The following RANBP17 variants were observed in gnomAD, a reference collection of about 807,000 sequenced individuals.
RANBP17 encodes the protein RAN binding protein 17.
A neutral mutation model predicts 141.2 loss-of-function variants in RANBP17; 158 were observed. That is an observed-to-expected ratio of 1.12 (90% CI 0.98 to 1.28). The LOEUF (loss-of-function observed/expected upper bound fraction) is 1.28, where lower values mean the gene tolerates loss of function less well. RANBP17 is among the 50% of genes most tolerant of loss of function. The pLI, the probability that RANBP17 is intolerant of heterozygous loss-of-function variation, is 0.00. For synonymous variants in RANBP17, 430 were observed against 450.0 expected, an observed-to-expected ratio of 0.96 and a Z score of 0.56; for missense variants, 1,438 against 1,290.7, an observed-to-expected ratio of 1.11 and a Z score of -1.75.
intron 14 of RANBP17, among the ~76,000 whole-genome samples, chr5:170,981,181 A>T (rs574133191): frequency 6.6e-6 from 1 of 152,240 alleles, no homozygotes; most frequent in South Asian, 2.1e-4. Flanking sequence ...TGTGTAGGAA[A>T]TAACTAACTT....
At chr5:171,287,413 C>G (rs1768231225) in intron 25 of RANBP17, among the ~76,000 whole-genome samples, 1 of 151,966 alleles carries the variant, frequency 6.6e-6, no homozygotes, top group African/African-American at 2.4e-5. Context: ...TTGCTTGAAC[C>G]CCGGAGGCGG....
chr5:170,937,804 A>G (rs1774001509), intron 12 of RANBP17, among the ~76,000 whole-genome samples: 1 of 152,052 alleles, frequency 6.6e-6, no homozygotes, highest in African/African-American at 2.4e-5. Context: ...GTTATTTTAT[A>G]ATTTGGATTG....
chr5:170,875,355 G>A (rs1768092216), intron 1 of RANBP17, among the ~76,000 whole-genome samples: 1 of 152,146 alleles, frequency 6.6e-6, no homozygotes, highest in African/African-American at 2.4e-5. Flanking sequence ...GAATTTGAAT[G>A]TTGGCCTGTC....
At chr5:170,937,730 G>A (rs1053432069) in intron 12 of RANBP17, among the ~76,000 whole-genome samples, 1 of 152,098 alleles carries the variant, frequency 6.6e-6, no homozygotes, top group African/African-American at 2.4e-5. Flanking sequence ...TTTGACTGAT[G>A]ACACATGACA....
intron 10 of RANBP17, among the ~76,000 whole-genome samples, chr5:170,919,150 GGA>G (rs1772224650): frequency 6.6e-6 from 1 of 151,742 alleles, no homozygotes; most frequent in Non-Finnish European, 1.5e-5. Context: ...TAATTTTAAG[GGA>G]GAGATTATAA....
At chr5:170,955,586 A>ATATATATATATATATATGCTCAGTCTGTG (rs1775592208) in intron 13 of RANBP17, among the ~76,000 whole-genome samples, 2 of 44,870 alleles carry the variant, frequency 4.5e-5, no homozygotes, top group South Asian at 9.3e-4. Context: ...CTGTGTGTAT[A>ATATATATATATATATATGCTCAGTCTGTG]TATATATATA....
At chr5:171,061,539 A>G (rs1177333201) in intron 14 of RANBP17, among the ~76,000 whole-genome samples, 5 of 151,386 alleles carry the variant, frequency 3.3e-5, no homozygotes, top group African/African-American at 1.2e-4. Flanking sequence ...GTTTGTTATA[A>G]TTTCTGATCT....
intron 14 of RANBP17, chr5:170,982,982 G>T: frequency 2.7e-6 from 1 of 374,526 alleles, no homozygotes; most frequent in Non-Finnish European, 5.1e-6. Flanking sequence ...TGTATATCCA[G>T]TAAAACTTAA....
chr5:171,012,055 T>A (rs9313535), intron 14 of RANBP17, among the ~76,000 whole-genome samples: 92,008 of 150,364 alleles, frequency 0.61, 29,339 homozygotes, highest in South Asian at 0.87. Context: ...CAAATTATAT[T>A]ATTTGTTTAA....
intron 3 of RANBP17, among the ~76,000 whole-genome samples, chr5:170,884,176 G>A (rs576460853): frequency 6.6e-6 from 1 of 152,230 alleles, no homozygotes; most frequent in East Asian, 1.9e-4. Flanking sequence ...GTTTTAATTT[G>A]TATTTCCCTG....
intron 14 of RANBP17, among the ~76,000 whole-genome samples, chr5:171,163,166 A>T (rs1481004860): frequency 6.6e-6 from 1 of 152,222 alleles, no homozygotes. Context: ...AATTCTGGCA[A>T]AAGATTTTTC....
In RANBP17 at chr5:171,241,107, A is replaced by C. The variant is rs758694370; in HGVS notation, c.2602A>C (p.Lys868Gln). 3 of 1,613,678 alleles carry C rather than the reference A, an allele frequency of 1.9e-6. No homozygotes were observed. The East Asian group carries it at 6.7e-5, about 36-fold the overall frequency. Residue 868 changes from lysine to glutamine, a missense_variant, in exon 23 of 28, where the codon AAA (lysine) becomes CAA (glutamine). Lys to Gln is a moderately conservative substitution (Grantham distance 53). Transcript: ENST00000523189. The stretch of plus-strand genomic sequence containing the variant: ...TGACAATGTACTCCAGGCTTTTGTC[A>C]AAATGCTGCTGTCAGTGTCCCACAG... ...HFDNVLQAFV[K>Q]MLLSVSHSDL...
chr5:171,066,005 C>A (rs151183706), intron 14 of RANBP17, among the ~76,000 whole-genome samples: 8 of 151,764 alleles, frequency 5.3e-5, no homozygotes, highest in Non-Finnish European at 1.2e-4. Context: ...AGATTACAGA[C>A]GCCCACCACC....
At chr5:170,895,012 C>T (rs937019807) in intron 4 of RANBP17, among the ~76,000 whole-genome samples, 5 of 152,150 alleles carry the variant, frequency 3.3e-5, no homozygotes, top group Non-Finnish European at 7.4e-5. Flanking sequence ...TCAGCTGGTT[C>T]TAGCAATTGG....
chr5:171,035,306 A>C (rs1781798688), intron 14 of RANBP17, among the ~76,000 whole-genome samples: 1 of 152,154 alleles, frequency 6.6e-6, no homozygotes, highest in Admixed American at 6.6e-5. Context: ...TCAGCAGATA[A>C]AGGGGGAAAC....
At chr5:170,891,076 A>G (rs1477040037) in intron 3 of RANBP17, among the ~76,000 whole-genome samples, 1 of 152,234 alleles carries the variant, frequency 6.6e-6, no homozygotes, top group Non-Finnish European at 1.5e-5. Flanking sequence ...CACTTTTGCT[A>G]TAACATGACA....
intron 14 of RANBP17, among the ~76,000 whole-genome samples, chr5:171,016,910 C>G (rs1330704885): frequency 1.4e-5 from 2 of 145,312 alleles, no homozygotes; most frequent in Non-Finnish European, 3.0e-5. Flanking sequence ...CTTGCCCCCC[C>G]ACCCCCCAAC....
At chr5:170,952,339 A>G (rs1775277447) in intron 12 of RANBP17, among the ~76,000 whole-genome samples, 1 of 151,950 alleles carries the variant, frequency 6.6e-6, no homozygotes, top group African/African-American at 2.4e-5. Flanking sequence ...TACTTAATCT[A>G]TTTCACATTC....
intron 14 of RANBP17, among the ~76,000 whole-genome samples, chr5:171,163,845 C>T (rs976100897): frequency 6.6e-6 from 1 of 152,094 alleles, no homozygotes; most frequent in Non-Finnish European, 1.5e-5. Context: ...TGGCAAAATA[C>T]TTTGTTGTTG....
Sources: gnomAD v4.1 joint callset for allele counts (sites outside exome capture counted in the v4.1 genomes callset) on GRCh38, gnomAD v4.1.1 for gene constraint, MANE v1.5 for transcripts, NCBI Gene and HGNC (gene_info 2026-07-23, HGNC 2026-07-21) for gene names.